MME: variants seen among roughly 807,000 people sequenced by gnomAD.
The protein encoded by MME is neprilysin.
MME carries 98 observed loss-of-function variants against 113.2 expected under a neutral mutation model. The observed-to-expected ratio is 0.87, with a 90% CI of 0.74 to 1.02. The LOEUF is 1.02. Ranked by LOEUF, MME falls within the 50% of genes least tolerant of loss-of-function variation. The pLI is 0.00. For missense variants in MME, 836 were observed against 896.0 expected, an observed-to-expected ratio of 0.93 and a Z score of 0.86; for synonymous variants, 292 against 300.6, an observed-to-expected ratio of 0.97 and a Z score of 0.30.
At position 155,183,515 on chromosome 3, in the gene MME, T is replaced by TG. The variant is rs2108399701; in HGVS notation, c.*3060dup. 6.6e-6 allele frequency: 1 copy of TG among 152,286 alleles called. No individual in the cohort carries two copies. Among genetic ancestry groups the TG allele is most frequent in the South Asian group, 2.1e-4 (1 of 4,828 alleles). 9.4% of individuals were successfully genotyped at this position (152,286 alleles called of 1,614,324 possible). On this transcript the variant is annotated 3_prime_UTR_variant, in exon 23 of 23. Coordinates refer to ENST00000360490, the MANE Select transcript of MME (RefSeq NM_007289.4). ...CTGCTGTTACTGTTAACCATTTAAGTGGGGCAAAACCTTGCTAATTTTCTC... is the reference window on the plus strand; with the variant it reads ...CTGCTGTTACTGTTAACCATTTAAGTGGGGGCAAAACCTTGCTAATTTTCTC...
At chr3:155,169,042 A>G (rs1243375024) in intron 20 of MME, among the ~76,000 whole-genome samples, 2 of 152,182 alleles carry the variant, frequency 1.3e-5, no homozygotes, top group African/African-American at 2.4e-5. Flanking sequence ...ATGGAATATT[A>G]TATCAGCTGA....
intron 1 of MME, among the ~76,000 whole-genome samples, chr3:155,057,634 T>C (rs989265094): frequency 6.6e-6 from 1 of 152,092 alleles, no homozygotes; most frequent in Admixed American, 6.6e-5. Flanking sequence ...TTACATTTTA[T>C]ACTCTCAGAG....
intron 1 of MME, among the ~76,000 whole-genome samples, chr3:155,027,192 G>T (rs922740959): frequency 6.6e-6 from 1 of 152,100 alleles, no homozygotes; most frequent in Non-Finnish European, 1.5e-5. Flanking sequence ...ACTCATTTCA[G>T]AACTGCCCTG....
intron 1 of MME, 86 bp from the exon 2 acceptor site, chr3:155,084,072 T>C: frequency 1.6e-6 from 2 of 1,216,732 alleles, no homozygotes; most frequent in African/African-American, 1.5e-5. Flanking sequence ...ACTGAGCCTT[T>C]TACTTTTATC....
intron 22 of MME, among the ~76,000 whole-genome samples, chr3:155,179,989 C>G (rs1184919497): frequency 6.6e-6 from 1 of 152,092 alleles, no homozygotes; most frequent in Non-Finnish European, 1.5e-5. Flanking sequence ...CTCCAAATAC[C>G]TGCATTTTCA....
intron 3 of MME, among the ~76,000 whole-genome samples, chr3:155,099,714 A>G (rs1255599981): frequency 6.6e-6 from 1 of 152,192 alleles, no homozygotes; most frequent in Non-Finnish European, 1.5e-5. Context: ...CCATGTCCCT[A>G]CAAAGGACAT....
intron 3 of MME, among the ~76,000 whole-genome samples, chr3:155,103,697 C>T (rs3773899): frequency 0.13 from 20,151 of 152,144 alleles, 1,365 homozygotes; most frequent in Non-Finnish European, 0.15. Flanking sequence ...GTGGTTTGTT[C>T]TGAATTCCTC....
intron 1 of MME, among the ~76,000 whole-genome samples, chr3:155,062,316 T>G (rs1043438167): frequency 1.1e-4 from 16 of 152,336 alleles, no homozygotes; most frequent in Non-Finnish European, 1.9e-4. Context: ...TAACAAATGC[T>G]ATTTAGTTTA....
chr3:155,119,706 T>C (rs1718954271), intron 8 of MME, among the ~76,000 whole-genome samples: 2 of 151,446 alleles, frequency 1.3e-5, no homozygotes, highest in South Asian at 2.1e-4. Flanking sequence ...CTGAGAATGA[T>C]TTCCAATTTC....
intron 16 of MME, 46 bp from the exon 17 acceptor site, chr3:155,160,344 C>A: frequency 8.1e-7 from 1 of 1,239,854 alleles, no homozygotes; most frequent in South Asian, 1.2e-5. Flanking sequence ...TGGGTTGAAT[C>A]AGATAATGCA....
At chr3:155,099,835 T>C (rs1020860348) in intron 3 of MME, among the ~76,000 whole-genome samples, 1 of 152,224 alleles carries the variant, frequency 6.6e-6, no homozygotes, top group African/African-American at 2.4e-5. Context: ...TCTTTGCTAT[T>C]GTGAGTAGTG....
intron 7 of MME, among the ~76,000 whole-genome samples, chr3:155,118,179 A>G (rs533238513): frequency 9.2e-5 from 14 of 152,304 alleles, no homozygotes; most frequent in Middle Eastern, 3.4e-3. Flanking sequence ...AGGGTAGAGA[A>G]TCTTAAAAAA....
rs369711836 is a variant in MME at position 155,175,565 on chromosome 3, C to G, written c.2153+2953C>G. On this transcript the variant is annotated intron_variant, in intron 22 of 22. Transcript: ENST00000360490. ...TCTAAAATTATTTAGCTGTAATTTT[C>G]TATATAATATGTAAGGGTCTGATAA... 1.1e-4 allele frequency among the ~76,000 whole-genome samples: 17 copies of G among 151,668 alleles called. No homozygotes were observed. The East Asian group carries it at 1.2e-3, about 10-fold the overall frequency.
At chr3:155,134,424 G>C (rs958400794) in intron 8 of MME, among the ~76,000 whole-genome samples, 2 of 152,058 alleles carry the variant, frequency 1.3e-5, no homozygotes, top group African/African-American at 4.8e-5. Context: ...ATTCACTTAG[G>C]ATAATGACCT....
chr3:155,058,479 A>G (rs1277370881), intron 1 of MME, among the ~76,000 whole-genome samples: 1 of 152,236 alleles, frequency 6.6e-6, no homozygotes, highest in Non-Finnish European at 1.5e-5. Context: ...TTAATGTTAG[A>G]AAAAAGAGAA....
At chr3:155,028,918 T>C (rs1712877524) in intron 1 of MME, among the ~76,000 whole-genome samples, 5 of 152,168 alleles carry the variant, frequency 3.3e-5, no homozygotes, top group Admixed American at 3.3e-4. Flanking sequence ...ACAGCAAATA[T>C]CAAAGGTTTA....
intron 3 of MME, among the ~76,000 whole-genome samples, chr3:155,090,699 T>A (rs955488881): frequency 6.6e-6 from 1 of 152,220 alleles, no homozygotes; most frequent in Admixed American, 6.5e-5. Flanking sequence ...AATTTTCTAT[T>A]TAATATATTG....
chr3:155,059,065 C>G lies in MME; in HGVS notation c.-10-25093C>G, dbSNP rs548758944. On this transcript the variant is annotated intron_variant, in intron 1 of 22. Transcript: ENST00000492661. ...GGTCAGGAGTTTGAGACCAGCCTGG[C>G]CAACATGGCAAAACTCTGTCTTTAC... 3.9e-5 allele frequency among the ~76,000 whole-genome samples: 6 copies of G among 151,990 alleles called. No individual in the cohort carries two copies. In the South Asian group the frequency reaches 1.2e-3, roughly 32 times the overall value.
intron 3 of MME, among the ~76,000 whole-genome samples, chr3:155,105,570 T>C (rs956827182): frequency 2.0e-5 from 3 of 152,120 alleles, no homozygotes; most frequent in Non-Finnish European, 1.5e-5. Context: ...GGAAGAAAAA[T>C]GATTAGAACC....
Sources: allele counts gnomAD v4.1 joint callset (sites outside exome capture counted in the v4.1 genomes callset), GRCh38; gene constraint gnomAD v4.1.1; transcripts MANE v1.5; gene names NCBI Gene and HGNC (gene_info 2026-07-23, HGNC 2026-07-21).